Variants in RGS6 observed in about 807,000 individuals in gnomAD.
RGS6 encodes regulator of G-protein signaling 6.
RGS6 carries 30 observed loss-of-function variants against 78.5 expected under a neutral mutation model. The observed-to-expected ratio is 0.38, with a 90% CI of 0.29 to 0.52. The LOEUF (loss-of-function observed/expected upper bound fraction) is 0.52, where lower values mean the gene tolerates loss of function less well. Ranked by LOEUF, RGS6 falls within the 20% of genes least tolerant of loss-of-function variation. The probability of loss-of-function intolerance (pLI) is 0.85; values close to 1 mark genes in which losing one functional copy is unlikely to be tolerated. For synonymous variants in RGS6, 206 were observed against 206.0 expected (o/e 1.00, Z 0.00); for missense variants, 495 against 609.7 (o/e 0.81, Z 1.98).
At chr14:72,428,940 C>T (rs934678379) in intron 3 of RGS6, among the ~76,000 whole-genome samples, 10 of 152,212 alleles carry the variant, frequency 6.6e-5, no homozygotes, top group African/African-American at 2.4e-4. Flanking sequence ...GCATTTCTCA[C>T]CTGTAATCCT....
intron 2 of RGS6, among the ~76,000 whole-genome samples, chr14:72,306,823 A>G (rs2067345446): frequency 6.6e-6 from 1 of 152,230 alleles, no homozygotes; most frequent in Non-Finnish European, 1.5e-5. Flanking sequence ...AAATGCTATG[A>G]ACATTGTTGA....
chr14:72,420,988 A>C (rs993354890), intron 3 of RGS6: 4 of 152,138 alleles, frequency 2.6e-5, no homozygotes, highest in African/African-American at 9.7e-5. Context: ...AAAATAAGGC[A>C]GAAAGGAATG....
chr14:72,599,045 A>G, the RGS6 span, among the ~76,000 whole-genome samples: 3 of 151,966 alleles, frequency 2.0e-5, no homozygotes, highest in Admixed American at 1.3e-4. Flanking sequence ...GCATTGGGAG[A>G]CCCGGCGCAG....
Position 72,142,210 on chromosome 14 carries a change from G to A in RGS6, c.84+177335G>A, listed in dbSNP as rs116082290. On this transcript the variant is annotated intron_variant, in intron 2 of 17. Coordinates refer to ENST00000553525, the MANE Select transcript of RGS6 (RefSeq NM_001204424.2). ...GATGATGGTTTTATAAATACTGGTT[G>A]GATAGCACTGTAATTAATGGGCACA... Among the ~76,000 whole-genome samples the A allele has an allele frequency of 3.2e-3, 493 of 152,042 alleles. 2 individuals carry two copies. The highest frequency in any genetic ancestry group is 0.011 in the African/African-American group (469 of 41,450).
intron 2 of RGS6, among the ~76,000 whole-genome samples, chr14:72,297,216 A>G (rs1160243824): frequency 6.6e-6 from 1 of 152,022 alleles, no homozygotes; most frequent in African/African-American, 2.4e-5. Context: ...TAAGTCCTTC[A>G]ACTTTGTTCT....
chr14:72,117,394 C>G (rs1358531805), intron 2 of RGS6, among the ~76,000 whole-genome samples: 2 of 152,132 alleles, frequency 1.3e-5, no homozygotes, highest in African/African-American at 2.4e-5. Context: ...CCCGTTCTCT[C>G]TCTTGCTCCA....
rs544718356 is a variant in RGS6, at chr14:72,206,040, A to G, written c.85-146055A>G. 6.6e-5 allele frequency among the ~76,000 whole-genome samples: 10 copies of G among 152,268 alleles called. No homozygotes were observed. In the East Asian group the frequency reaches 1.9e-3, roughly 29 times the overall value. ...TTAATCTTAAATCATTCTTGCACATATATACAAGGGGCTTTATTGCAGTAC... is the reference window on the plus strand; with the variant it reads ...TTAATCTTAAATCATTCTTGCACATGTATACAAGGGGCTTTATTGCAGTAC... On this transcript the variant is annotated intron_variant, in intron 2 of 17. Coordinates refer to ENST00000553525, the MANE Select transcript of RGS6 (RefSeq NM_001204424.2).
chr14:72,222,463 C>A (rs962869265), intron 2 of RGS6, among the ~76,000 whole-genome samples: 2 of 152,230 alleles, frequency 1.3e-5, no homozygotes, highest in African/African-American at 4.8e-5. Context: ...AGATACCATG[C>A]AGGGTGGGAC....
intron 13 of RGS6, among the ~76,000 whole-genome samples, chr14:72,500,260 TAC>T (rs1223680049): frequency 6.6e-6 from 1 of 152,216 alleles, no homozygotes; most frequent in African/African-American, 2.4e-5. Context: ...CTAGGATAGC[TAC>T]AGTGTTCTGT....
At chr14:72,419,147 A>G (rs1454037346) in intron 3 of RGS6, among the ~76,000 whole-genome samples, 1 of 152,220 alleles carries the variant, frequency 6.6e-6, no homozygotes, top group Non-Finnish European at 1.5e-5. Context: ...TTAGAGAAGG[A>G]TACTGCTAAC....
At chr14:72,286,041 C>T (rs1197371769) in intron 2 of RGS6, among the ~76,000 whole-genome samples, 1 of 152,064 alleles carries the variant, frequency 6.6e-6, no homozygotes, top group East Asian at 1.9e-4. Context: ...CCTATTTTTG[C>T]TTTTGTTGCC....
At chr14:71,898,679 C>G in the RGS6 span, among the ~76,000 whole-genome samples, 46 of 152,216 alleles carry the variant, frequency 3.0e-4, no homozygotes, top group Middle Eastern at 3.4e-3. Flanking sequence ...CTCCCACCCC[C>G]CCGACAGGCC....
At chr14:72,228,396 TA>T (rs370468956) in intron 2 of RGS6, among the ~76,000 whole-genome samples, 2 of 151,622 alleles carry the variant, frequency 1.3e-5, no homozygotes, top group Admixed American at 1.3e-4. Flanking sequence ...ATAATAATAA[TA>T]AAATAAAAAT....
At position 72,356,856 on chromosome 14, in the gene RGS6, A is replaced by C. The variant is rs564902133; in HGVS notation, c.184+4662A>C. ...CCTCAGCCGTGCTGAACTGTGAGTC[A>C]ATTAAACATATGTCCTTTATAAATT... is the stretch of plus-strand genomic sequence containing the variant. On this transcript the variant is annotated intron_variant, in intron 3 of 17. Coordinates refer to ENST00000553525, the MANE Select transcript of RGS6 (RefSeq NM_001204424.2). Among the ~76,000 whole-genome samples, 5 of 152,330 alleles carry C rather than the reference A, an allele frequency of 3.3e-5. No homozygotes were observed. The East Asian group carries it at 9.6e-4, about 29-fold the overall frequency.
At chr14:72,422,225 A>G (rs566296256) in intron 3 of RGS6, among the ~76,000 whole-genome samples, 48 of 152,300 alleles carry the variant, frequency 3.2e-4, no homozygotes, top group Middle Eastern at 3.4e-3. Context: ...TCTTTTGTAA[A>G]TTGCCCAGTC....
chr14:72,507,344 G>C lies in RGS6; in HGVS notation c.966-2810G>C, dbSNP rs1247052101. 3.3e-5 allele frequency among the ~76,000 whole-genome samples: 5 copies of C among 152,214 alleles called. 1 individual carries two copies. On this transcript the variant is annotated intron_variant, in intron 13 of 17. Coordinates refer to ENST00000553525, the MANE Select transcript of RGS6 (RefSeq NM_001204424.2). ...TTCTCCCCTAAAGCTGTCCAATAGA[G>C]CATGGCCCTGTCAACACCTTGATTT...
chr14:72,056,972 T>A (rs2093647958), intron 2 of RGS6, among the ~76,000 whole-genome samples: 1 of 152,132 alleles, frequency 6.6e-6, no homozygotes, highest in Non-Finnish European at 1.5e-5. Context: ...AGGTATCATA[T>A]GTGTTGGCCT....
At chr14:72,273,615 C>T (rs929780324) in intron 2 of RGS6, among the ~76,000 whole-genome samples, 6 of 152,236 alleles carry the variant, frequency 3.9e-5, no homozygotes, top group Non-Finnish European at 5.9e-5. Flanking sequence ...AGCTGATAAA[C>T]ATTCTTGCCT....
intron 2 of RGS6, among the ~76,000 whole-genome samples, chr14:72,118,206 T>C (rs2095953994): frequency 6.6e-6 from 1 of 151,948 alleles, no homozygotes; most frequent in South Asian, 2.1e-4. Flanking sequence ...CTGGTGAACA[T>C]CAGCTTCTCC....
Sources: allele counts gnomAD v4.1 joint callset (sites outside exome capture counted in the v4.1 genomes callset), GRCh38; gene constraint gnomAD v4.1.1; transcripts MANE v1.5; gene names NCBI Gene and HGNC (gene_info 2026-07-23, HGNC 2026-07-21).